CD82: variants seen among roughly 807,000 people sequenced by gnomAD.
CD82 encodes the protein CD82 antigen.
In CD82, 36 loss-of-function variants were observed where a neutral mutation model predicts 37.4. The observed-to-expected ratio is 0.96, with a 90% CI of 0.74 to 1.27. The LOEUF (loss-of-function observed/expected upper bound fraction) is 1.27, where lower values mean the gene tolerates loss of function less well. CD82 is among the 50% of genes most tolerant of loss of function. The pLI, the probability that CD82 is intolerant of heterozygous loss-of-function variation, is 0.00. For missense variants in CD82, 340 were observed against 347.0 expected, an observed-to-expected ratio of 0.98 and a Z score of 0.16; for synonymous variants, 158 against 137.4, an observed-to-expected ratio of 1.15 and a Z score of -1.05.
intron 1 of CD82, chr11:44,573,352 A>C (rs1852842693): frequency 6.6e-6 from 1 of 152,248 alleles, no homozygotes; most frequent in Non-Finnish European, 1.5e-5. Context: ...GAATATAAGA[A>C]TGCTTTTGCA....
chr11:44,615,525 C>A (rs1853551824), intron 7 of CD82, 152 bp downstream of exon 7: 7 of 619,018 alleles, frequency 1.1e-5, no homozygotes, highest in Non-Finnish European at 2.1e-5. Flanking sequence ...GCAGGGCACC[C>A]CAGTTAGCAC....
chr11:44,607,962 C>CT (rs1347840890), intron 6 of CD82: 7 of 152,250 alleles, frequency 4.6e-5, no homozygotes, highest in African/African-American at 1.7e-4. Flanking sequence ...CTGCCCCTGT[C>CT]TTCCCCTTCA....
At chr11:44,568,190 G>A (rs768961432) in intron 1 of CD82, among the ~76,000 whole-genome samples, 1 of 152,144 alleles carries the variant, frequency 6.6e-6, no homozygotes, top group African/African-American at 2.4e-5. Context: ...AGCGGTCAAG[G>A]GATAATGAAC....
At chr11:44,564,708 A>G (rs76615523), upstream of CD82, among the ~76,000 whole-genome samples, 5,431 of 152,224 alleles carry the variant, frequency 0.036, 127 homozygotes, top group Admixed American at 0.062. Context: ...CCCTCACCTC[A>G]GGCAGCTGCT....
chr11:44,605,444 C>T lies in CD82; in HGVS notation c.336+15C>T, dbSNP rs1162511053. Reference sequence around the variant, plus strand: ...ACATGGGCAAGGTAAGCCCCTCTCTCCCTCCCTCTTCACTGGGCTGGACCA... The same window carrying T: ...ACATGGGCAAGGTAAGCCCCTCTCTTCCTCCCTCTTCACTGGGCTGGACCA... On this transcript the variant is annotated intron_variant, in intron 6 of 9. Coordinates refer to ENST00000227155, the MANE Select transcript of CD82 (RefSeq NM_002231.4). 1.2e-6 allele frequency: 2 copies of T among 1,612,132 alleles called. No homozygotes were observed. The highest frequency in any genetic ancestry group is 1.7e-5 in the Admixed American group (1 of 60,010).
intron 1 of CD82, among the ~76,000 whole-genome samples, chr11:44,574,473 C>T (rs1023801717): frequency 6.6e-6 from 1 of 152,126 alleles, no homozygotes; most frequent in African/African-American, 2.4e-5. Flanking sequence ...CCTGGTGGGA[C>T]CAAATCTTGT....
chr11:44,595,982 A>G (rs1853219835), intron 3 of CD82, among the ~76,000 whole-genome samples: 1 of 152,080 alleles, frequency 6.6e-6, no homozygotes, highest in African/African-American at 2.4e-5. Context: ...ACAGACATGT[A>G]CAATGTGTTC....
In CD82 at chr11:44,575,340, C is replaced by T. The variant is rs1216466936; in HGVS notation, c.-103+9604C>T. 1.3e-5 allele frequency among the ~76,000 whole-genome samples: 2 copies of T among 152,226 alleles called. 1 individual carries two copies. The highest frequency in any genetic ancestry group is 4.1e-4 in the South Asian group (2 of 4,832). On this transcript the variant is annotated intron_variant, in intron 1 of 9. Coordinates refer to ENST00000227155, the MANE Select transcript of CD82 (RefSeq NM_002231.4). Reference sequence around the variant, plus strand: ...CTCTTTACTATTTAATGACCTCTCCCCACAGTGACTCCTTCCTCCCCAACA... The same window carrying T: ...CTCTTTACTATTTAATGACCTCTCCTCACAGTGACTCCTTCCTCCCCAACA...
intron 2 of CD82, among the ~76,000 whole-genome samples, chr11:44,591,788 C>T (rs1446506425): frequency 6.6e-6 from 1 of 151,988 alleles, no homozygotes; most frequent in Non-Finnish European, 1.5e-5. Context: ...CTGGCGGCCA[C>T]TCCTTCTCCT....
upstream of CD82, chr11:44,564,576 A>T (rs1027568257): frequency 1.4e-5 from 6 of 433,368 alleles, no homozygotes; most frequent in Admixed American, 1.3e-4. Flanking sequence ...CACCGCAGCC[A>T]CCTAGAGAGC....
At chr11:44,592,405 C>CT (rs751899024) in intron 2 of CD82, among the ~76,000 whole-genome samples, 14 of 152,346 alleles carry the variant, frequency 9.2e-5, no homozygotes, top group Non-Finnish European at 1.9e-4. Context: ...GGCGCTGAAC[C>CT]TGGTTGGTCT....
Position 44,619,320 on chromosome 11 carries a change from G to A in CD82, c.*194G>A. ...CCGCTGCCAGCCTTGAGCCCTGGCTGTTCTGTGGTTCCTCTGCTCACCGCC... is the reference window on the plus strand; with the variant it reads ...CCGCTGCCAGCCTTGAGCCCTGGCTATTCTGTGGTTCCTCTGCTCACCGCC... On this transcript the variant is annotated 3_prime_UTR_variant, in exon 10 of 10. Transcript: ENST00000227155. The A allele has an allele frequency of 1.7e-6, 1 of 586,740 alleles. No homozygotes were observed. The allele number at this position is 586,740 out of a possible 1,614,324, so 36.3% of individuals were successfully genotyped here. A position where few individuals can be genotyped will look rare whatever the true frequency, so the allele number is the denominator to read the frequency against.
At chr11:44,584,185 G>C (rs567626240) in intron 1 of CD82, among the ~76,000 whole-genome samples, 1 of 152,192 alleles carries the variant, frequency 6.6e-6, no homozygotes, top group Non-Finnish European at 1.5e-5. Context: ...GCATCTTGCT[G>C]TTAGAGGTGG....
chr11:44,574,319 C>T (rs10160768), intron 1 of CD82, among the ~76,000 whole-genome samples: 49,101 of 151,982 alleles, frequency 0.32, 9,012 homozygotes, highest in African/African-American at 0.5. Flanking sequence ...CACCTCAAGG[C>T]TTGGAAAGCT....
intron 1 of CD82, among the ~76,000 whole-genome samples, chr11:44,573,823 A>G (rs1852849216): frequency 6.6e-6 from 1 of 152,240 alleles, no homozygotes; most frequent in Non-Finnish European, 1.5e-5. Flanking sequence ...AGCTATGGGC[A>G]CAGTGTCTGT....
chr11:44,581,647 A>G (rs905330054), intron 1 of CD82, among the ~76,000 whole-genome samples: 8 of 152,198 alleles, frequency 5.3e-5, no homozygotes, highest in Non-Finnish European at 1.2e-4. Context: ...CTCCGGGCCA[A>G]CCTGGAGTGG....
chr11:44,594,444 C>T (rs1253955477), intron 2 of CD82, among the ~76,000 whole-genome samples, 199 bp from the exon 3 acceptor site: 2 of 152,126 alleles, frequency 1.3e-5, no homozygotes, highest in Non-Finnish European at 2.9e-5. Flanking sequence ...ATCCTAACTG[C>T]CAAGCATCAA....
chr11:44,583,913 G>A (rs994457287), intron 1 of CD82, among the ~76,000 whole-genome samples: 2 of 152,170 alleles, frequency 1.3e-5, no homozygotes, highest in African/African-American at 2.4e-5. Context: ...TCTCAGGAGA[G>A]AGGGAGCCTG....
chr11:44,583,796 A>G (rs1465170353), intron 1 of CD82, among the ~76,000 whole-genome samples: 1 of 152,168 alleles, frequency 6.6e-6, no homozygotes, highest in East Asian at 1.9e-4. Flanking sequence ...TGGAGATTGC[A>G]TGGGATACAG....
Sources: allele counts gnomAD v4.1 joint callset (sites outside exome capture counted in the v4.1 genomes callset), GRCh38; gene constraint gnomAD v4.1.1; transcripts MANE v1.5; gene names NCBI Gene and HGNC (gene_info 2026-07-23, HGNC 2026-07-21).